The following CCPG1 variants were observed in gnomAD, a reference collection of about 807,000 sequenced individuals.
CCPG1 encodes cell cycle progression 1.
Under a neutral mutation model 81.3 loss-of-function variants are expected in CCPG1, and 46 were observed. That is an observed-to-expected ratio of 0.57 (90% CI 0.45 to 0.72). The LOEUF (loss-of-function observed/expected upper bound fraction) is 0.72, where lower values mean the gene tolerates loss of function less well. Among genes scored for constraint, CCPG1 ranks in the 30% least tolerant of loss-of-function variants. The pLI is 0.00. For synonymous variants in CCPG1, 330 were observed against 305.2 expected (o/e 1.08, Z -0.85); for missense variants, 902 against 937.6 (o/e 0.96, Z 0.50).
intron 3 of CCPG1, among the ~76,000 whole-genome samples, chr15:55,384,729 G>A (rs192346868): frequency 3.3e-5 from 5 of 151,920 alleles, no homozygotes. Context: ...GACATGAAGT[G>A]GGCATATGCT....
intron 1 of CCPG1, among the ~76,000 whole-genome samples, chr15:55,407,037 A>ACCCACCCCCCCCC (rs1308149562): frequency 2.7e-5 from 3 of 112,692 alleles, no homozygotes; most frequent in Admixed American, 8.0e-5. Context: ...ACACGTTGAG[A>ACCCACCCCCCCCC]CCCCCCCCCC....
chr15:55,374,048 T>A, intron 5 of CCPG1: 1 of 522,142 alleles, frequency 1.9e-6, no homozygotes, highest in Non-Finnish European at 3.2e-6. Context: ...GAACACCTGT[T>A]TAGAGTATTG....
rs1258542470 is a variant in CCPG1, at chr15:55,356,288, T to C, written c.2356A>G (p.Thr786Ala). ...AGATTTGCCATTTGTCTTCCATTAGTGCGACCATATTTATGCCATTTACCT... is the reference window on the plus strand; with the variant it reads ...AGATTTGCCATTTGTCTTCCATTAGCGCGACCATATTTATGCCATTTACCT... ...REGKWHKYGR[T>A]NGRQMANLEI... is the part of the protein sequence containing the mutation. The change falls in exon 9 of 9, where the codon ACT (threonine) becomes GCT (alanine). Residue 786 changes from threonine to alanine, a missense_variant. Transcript: ENST00000442196. 2.6e-6 allele frequency: 4 copies of C among 1,535,154 alleles called. No homozygotes were observed. The African/African-American group carries it at 5.5e-5, about 21-fold the overall frequency.
chr15:55,406,436 C>CTTTTTTTTTTTTTTTTTTTTTTTTTTTT (rs143238270), intron 1 of CCPG1, among the ~76,000 whole-genome samples: 10 of 126,274 alleles, frequency 7.9e-5, no homozygotes, highest in South Asian at 2.4e-4. Flanking sequence ...TTCTTTTTCT[C>CTTTTTTTTTTTTTTTTTTTTTTTTTTTT]TTTTTTTTTT....
At chr15:55,385,533 A>C (rs559251293) in intron 3 of CCPG1, 67 bp downstream of exon 3, 3 of 770,882 alleles carry the variant, frequency 3.9e-6, no homozygotes, top group African/African-American at 3.6e-5. Flanking sequence ...CCTGGAAAGA[A>C]GGCAAGACTC....
chr15:55,378,270 A>G (rs1194886549), intron 4 of CCPG1, 30 bp downstream of exon 4: 1 of 1,315,850 alleles, frequency 7.6e-7, no homozygotes, highest in Non-Finnish European at 1.1e-6. Flanking sequence ...ACTATTTAAC[A>G]TATATCCACA....
At chr15:55,361,151 G>A (rs1204892236) in intron 7 of CCPG1, among the ~76,000 whole-genome samples, 2 of 151,792 alleles carry the variant, frequency 1.3e-5, no homozygotes, top group East Asian at 3.9e-4. Context: ...ATCAAATTGA[G>A]AACTACAGCA....
rs554698065 is a variant in CCPG1 at position 55,371,000 on chromosome 15, T to C, written c.706+793A>G. 1.1e-4 allele frequency among the ~76,000 whole-genome samples: 16 copies of C among 151,622 alleles called. No individual in the cohort carries two copies. In the East Asian group the frequency reaches 3.1e-3, roughly 29 times the overall value. ...TGGTGGCGGGCGCCTGTTATCCCAGTTACTCCGGAGGCTGAGGTAGGAGAA... is the reference window on the plus strand; with the variant it reads ...TGGTGGCGGGCGCCTGTTATCCCAGCTACTCCGGAGGCTGAGGTAGGAGAA... On this transcript the variant is annotated intron_variant, in intron 6 of 8. Coordinates refer to ENST00000442196, the MANE Select transcript of CCPG1 (RefSeq NM_001204450.2).
chr15:55,392,210 ATTTTTTT>A lies in CCPG1; in HGVS notation c.-9-2784_-9-2778del, dbSNP rs35816626. Among the ~76,000 whole-genome samples, 3 of 122,978 alleles carry A rather than the reference ATTTTTTT, an allele frequency of 2.4e-5. No individual in the cohort carries two copies. In the East Asian group the frequency reaches 7.9e-4, roughly 33 times the overall value. The allele number at this position is 122,978 out of a possible 152,430, so 80.7% of individuals were successfully genotyped here. On this transcript the variant is annotated intron_variant, in intron 1 of 8. Coordinates refer to ENST00000442196, the MANE Select transcript of CCPG1 (RefSeq NM_001204450.2). ...AATATAGTTTAAAAGATCAGATTTG[ATTTTTTT>A]TTTTTTTTTTTTTGAGACGGAGTCT...
rs929909219 is a variant in CCPG1 at position 55,377,209 on chromosome 15, T to G, written c.253-59A>C. The G allele has an allele frequency of 2.5e-5, 29 of 1,181,354 alleles. 2 individuals carry two copies. Among genetic ancestry groups the G allele is most frequent in the Non-Finnish European group, 3.5e-5 (28 of 806,476 alleles). The allele number at this position is 1,181,354 out of a possible 1,614,324, so 73.2% of individuals were successfully genotyped here. ...AACAATCATTTAAGGGTCTTACATT[T>G]TCTTAGAATACAACAGTAGTAAGTA... On this transcript the variant is annotated intron_variant, in intron 4 of 8. Coordinates refer to ENST00000442196, the MANE Select transcript of CCPG1 (RefSeq NM_001204450.2).
chr15:55,361,114 G>A (rs529433609), intron 7 of CCPG1, among the ~76,000 whole-genome samples, 170 bp from the exon 8 acceptor site: 45 of 147,432 alleles, frequency 3.1e-4, no homozygotes, highest in South Asian at 2.8e-3. Context: ...AGGTTCATAT[G>A]CAAGAAAACG....
intron 1 of CCPG1, among the ~76,000 whole-genome samples, chr15:55,406,392 T>A (rs1187915779): frequency 6.6e-6 from 1 of 151,828 alleles, no homozygotes; most frequent in Non-Finnish European, 1.5e-5. Context: ...CTATCTACAC[T>A]TTTATAACTG....
At chr15:55,389,342 A>G in intron 2 of CCPG1, 23 bp downstream of exon 2, 1 of 1,492,134 alleles carries the variant, frequency 6.7e-7, no homozygotes, top group South Asian at 1.1e-5. Flanking sequence ...AAATTACCTT[A>G]TAAAAAGTAT....
Position 55,365,171 on chromosome 15 carries a change from C to T in CCPG1, c.828+17G>A. The T allele has an allele frequency of 7.3e-7, 1 of 1,364,022 alleles. No individual in the cohort carries two copies. Among genetic ancestry groups the T allele is most frequent in the East Asian group, 2.3e-5 (1 of 42,770 alleles). 84.5% of individuals were successfully genotyped at this position (1,364,022 alleles called of 1,614,324 possible). A position where few individuals can be genotyped will look rare whatever the true frequency, so the allele number is the denominator to read the frequency against. On this transcript the variant is annotated intron_variant, in intron 7 of 8. Transcript: ENST00000442196. ...TAATTACTAACAATTATTTTAAATA[C>T]TGTTAGTGGTACATACCTTATAATC...
intron 2 of CCPG1, among the ~76,000 whole-genome samples, chr15:55,386,758 G>A (rs1009378467): frequency 4.0e-5 from 6 of 151,780 alleles, no homozygotes; most frequent in South Asian, 2.1e-4. Flanking sequence ...ATAGCCGAGC[G>A]TGGTGGCGGG....
chr15:55,380,415 G>C (rs996918649), intron 3 of CCPG1, among the ~76,000 whole-genome samples: 1 of 151,158 alleles, frequency 6.6e-6, no homozygotes, highest in Non-Finnish European at 1.5e-5. Flanking sequence ...CCTGCCTCAG[G>C]CTCCCAAGTA....
Position 55,377,051 on chromosome 15 carries a change from C to T in CCPG1, c.352G>A (p.Gly118Arg). 6.2e-7 allele frequency: 1 copy of T among 1,613,792 alleles called. No homozygotes were observed. Among genetic ancestry groups the T allele is most frequent in the Non-Finnish European group, 8.5e-7 (1 of 1,179,824 alleles). ...TLEPPKLEEI[G>R]NQEVVIVEEA... ...TCAACAATGACAACTTCTTGATTTCCAATTTCTTCTAACTTAGGTGGCTCA... is the reference window on the plus strand; with the variant it reads ...TCAACAATGACAACTTCTTGATTTCTAATTTCTTCTAACTTAGGTGGCTCA... Residue 118 changes from glycine to arginine, a missense_variant, in exon 5 of 9, where the codon GGA becomes AGA. Physicochemically the swap from Gly to Arg is moderately radical, Grantham distance 125. This residue lies in a region of CCPG1 where 746 missense variants were observed against 728.6 expected (regional missense o/e 1.02). Coordinates refer to ENST00000442196, the MANE Select transcript of CCPG1 (RefSeq NM_001204450.2).
intron 8 of CCPG1, 73 bp downstream of exon 8, chr15:55,359,466 C>G (rs2056146412): frequency 6.6e-7 from 1 of 1,507,820 alleles, no homozygotes; most frequent in African/African-American, 1.4e-5. Flanking sequence ...AGAAACTCAT[C>G]AAATCATAAA....
At chr15:55,362,206 G>A (rs16976296) in intron 7 of CCPG1, among the ~76,000 whole-genome samples, 6 of 151,522 alleles carry the variant, frequency 4.0e-5, no homozygotes, top group South Asian at 2.1e-4. Flanking sequence ...ATTATACATC[G>A]AGTTAAAAAT....
Sources: gnomAD v4.1 joint callset for allele counts (sites outside exome capture counted in the v4.1 genomes callset) on GRCh38, gnomAD v4.1.1 for gene constraint, gnomAD v4.1.1 regional missense constraint, MANE v1.5 for transcripts, NCBI Gene and HGNC (gene_info 2026-07-23, HGNC 2026-07-21) for gene names.